Variants in HDAC3 observed in about 807,000 individuals in gnomAD.
HDAC3 encodes the protein SMAP45.
In HDAC3, 21 loss-of-function variants were observed where a neutral mutation model predicts 62.3. That is an observed-to-expected ratio of 0.34 (90% CI 0.24 to 0.49). HDAC3 has a LOEUF of 0.49. Ranked by LOEUF, HDAC3 falls within the 20% of genes least tolerant of loss-of-function variation. HDAC3 has a pLI of 0.99. For missense variants in HDAC3, 270 were observed against 556.9 expected, an observed-to-expected ratio of 0.48 and a Z score of 5.19; for synonymous variants, 198 against 206.5, an observed-to-expected ratio of 0.96 and a Z score of 0.35.
chr5:141,629,604 G>T lies in HDAC3; in HGVS notation c.476+80C>A. 7.1e-7 allele frequency: 1 copy of T among 1,404,916 alleles called. No homozygotes were observed. The highest frequency in any genetic ancestry group is 1.2e-5 in the South Asian group (1 of 85,752). The allele number at this position is 1,404,916 out of a possible 1,614,324, so 87.0% of individuals were successfully genotyped here. ...GAGAAGCTAATCAGGGAGGAGGGAG[G>T]TCAAGGTCAGGGTTGAGACTGAGAG... On this transcript the variant is annotated intron_variant, in intron 6 of 14. Coordinates refer to ENST00000305264, the MANE Select transcript of HDAC3 (RefSeq NM_003883.4). The surrounding 1 kb of genome is among the most constrained non-coding windows in gnomAD (Gnocchi z 5.3).
rs754886508 is a variant in HDAC3 at position 141,629,123 on chromosome 5, T to C, written c.610+50A>G. Reference sequence around the variant, plus strand: ...TAGAAGGCTGAGAAGGAGGCACTCATAGTAAAGAGCTGAAGGGTGCAAAGG... The same window carrying C: ...TAGAAGGCTGAGAAGGAGGCACTCACAGTAAAGAGCTGAAGGGTGCAAAGG... On this transcript the variant is annotated intron_variant, in intron 7 of 14. Transcript: ENST00000305264. The surrounding 1 kb of genome is among the most constrained non-coding windows in gnomAD (Gnocchi z 5.3). The C allele has an allele frequency of 5.0e-6, 8 of 1,598,628 alleles. No homozygotes were observed. In the African/African-American group the frequency reaches 6.7e-5, roughly 13 times the overall value.
At chr5:141,632,593 T>C (rs914685021) in intron 3 of HDAC3, among the ~76,000 whole-genome samples, 1 of 152,108 alleles carries the variant, frequency 6.6e-6, no homozygotes, top group African/African-American at 2.4e-5. Flanking sequence ...TGACCCTGTA[T>C]TCACAGAGCT....
At position 141,625,777 on chromosome 5, in the gene HDAC3, A is replaced by G. The variant is rs199538171; in HGVS notation, c.980-13T>C. On this transcript the variant is annotated splice_polypyrimidine_tract_variant and intron_variant, in intron 12 of 14. Transcript: ENST00000305264. This position sits in a 1 kb window ranked among gnomAD's most constrained non-coding sequence, Gnocchi z 4.0. Reference sequence around the variant, plus strand: ...TACTCGAAGTATTCTTGGGGAGGAGAGGAGAAAGTATGGCTCAGACTGAGA... The same window carrying G: ...TACTCGAAGTATTCTTGGGGAGGAGGGGAGAAAGTATGGCTCAGACTGAGA... 14 of 1,611,974 alleles carry G rather than the reference A, an allele frequency of 8.7e-6. No homozygotes were observed. Among genetic ancestry groups the G allele is most frequent in the South Asian group, 3.3e-5 (3 of 91,038 alleles).
intron 3 of HDAC3, among the ~76,000 whole-genome samples, chr5:141,630,571 G>A (rs1242814119): frequency 2.6e-5 from 4 of 152,140 alleles, no homozygotes; most frequent in African/African-American, 4.8e-5. Context: ...GATAACCCAC[G>A]AAAAGCCTGT....
chr5:141,623,717 G>A (rs1308340240), intron 14 of HDAC3, among the ~76,000 whole-genome samples: 1 of 152,058 alleles, frequency 6.6e-6, no homozygotes, highest in African/African-American at 2.4e-5. Context: ...GAGAGATTCG[G>A]AGGCCTGAAT....
At position 141,625,941 on chromosome 5, in the gene HDAC3, T is replaced by G; in HGVS notation, c.979+72A>C. On this transcript the variant is annotated intron_variant, in intron 12 of 14. Coordinates refer to ENST00000305264, the MANE Select transcript of HDAC3 (RefSeq NM_003883.4). The surrounding 1 kb of genome is among the most constrained non-coding windows in gnomAD (Gnocchi z 4.0). The stretch of plus-strand genomic sequence containing the variant: ...AGAGTGTAAAATTTCCCATGTGCCT[T>G]CAAACCAGGTCATTCTGGAATCTGG... 1.4e-6 allele frequency: 2 copies of G among 1,459,210 alleles called. No individual in the cohort carries two copies. Among genetic ancestry groups the G allele is most frequent in the Non-Finnish European group, 1.9e-6 (2 of 1,038,828 alleles). The allele number at this position is 1,459,210 out of a possible 1,614,324, so 90.4% of individuals were successfully genotyped here. A position where few individuals can be genotyped will look rare whatever the true frequency, so the allele number is the denominator to read the frequency against.
chr5:141,629,594 G>A lies in HDAC3; in HGVS notation c.476+90C>T. ...AAGAACTTGGGAGAAGCTAATCAGG[G>A]AGGAGGGAGGTCAAGGTCAGGGTTG... On this transcript the variant is annotated intron_variant, in intron 6 of 14. Coordinates refer to ENST00000305264, the MANE Select transcript of HDAC3 (RefSeq NM_003883.4). The surrounding 1 kb of genome is among the most constrained non-coding windows in gnomAD (Gnocchi z 5.3). The A allele has an allele frequency of 5.5e-6, 7 of 1,281,110 alleles. No individual in the cohort carries two copies. Among genetic ancestry groups the A allele is most frequent in the Non-Finnish European group, 6.7e-6 (6 of 894,128 alleles). The allele number at this position is 1,281,110 out of a possible 1,614,324, so 79.4% of individuals were successfully genotyped here. A position where few individuals can be genotyped will look rare whatever the true frequency, so the allele number is the denominator to read the frequency against.
rs1031728762 is a variant in HDAC3 at position 141,636,481 on chromosome 5, G to C, written c.138+67C>G. 6.9e-5 allele frequency: 99 copies of C among 1,437,224 alleles called. No homozygotes were observed. In the Middle Eastern group the frequency reaches 3.4e-3, roughly 49 times the overall value. 89.0% of individuals were successfully genotyped at this position (1,437,224 alleles called of 1,614,324 possible). On this transcript the variant is annotated intron_variant, in intron 2 of 14. Transcript: ENST00000305264. The stretch of plus-strand genomic sequence containing the variant: ...GGTCGCACTTCATGCACTCAGTCCA[G>C]CCCACCTATCCCTACGGCCACAGCT...
At chr5:141,635,856 T>A (rs990386677) in intron 2 of HDAC3, 1 of 152,228 alleles carries the variant, frequency 6.6e-6, no homozygotes, top group Non-Finnish European at 1.5e-5. Flanking sequence ...ATCCCCCCCA[T>A]TTCAACCTCC....
In HDAC3 at chr5:141,629,873, G is replaced by C; in HGVS notation, c.407C>G (p.Ala136Gly). The C allele has an allele frequency of 6.2e-7, 1 of 1,614,068 alleles. No homozygotes were observed. Among genetic ancestry groups the C allele is most frequent in the East Asian group, 2.2e-5 (1 of 44,884 alleles). The change falls in exon 5 of 15, where the codon GCC becomes GGC. Residue 136 changes from alanine (A) to glycine (G), a missense_variant. This residue lies in a region of HDAC3 where 156 missense variants were observed against 383.9 expected (regional missense o/e 0.41). Coordinates refer to ENST00000305264, the MANE Select transcript of HDAC3 (RefSeq NM_003883.4). This position sits in a 1 kb window ranked among gnomAD's most constrained non-coding sequence, Gnocchi z 5.3. ...CTCCTCACTCACCTCAAACTTCTTG[G>C]CATGGTGCAGACCACCAGCCCAGTT... ...AINWAGGLHH[A>G]KKFEASGFCY...
At chr5:141,621,576 A>G in intron 14 of HDAC3, 39 bp from the exon 15 acceptor site, 1 of 1,548,354 alleles carries the variant, frequency 6.5e-7, no homozygotes, top group Non-Finnish European at 8.9e-7. Flanking sequence ...TCTCACTCTA[A>G]GTTCTAATCT....
chr5:141,627,772 A>G, intron 10 of HDAC3, 121 bp downstream of exon 10: 2 of 828,108 alleles, frequency 2.4e-6, no homozygotes, highest in Middle Eastern at 2.3e-4. Flanking sequence ...TTCAAGTACA[A>G]TTTGTAGCTA....
chr5:141,621,948 G>A (rs1255405509), intron 14 of HDAC3, among the ~76,000 whole-genome samples: 2 of 152,188 alleles, frequency 1.3e-5, no homozygotes, highest in Non-Finnish European at 2.9e-5. Context: ...AAAGTCTGAG[G>A]AGGAGCTAAG....
chr5:141,635,764 T>C (rs1407846735), intron 2 of HDAC3: 1 of 152,234 alleles, frequency 6.6e-6, no homozygotes. Context: ...CCACCGCACA[T>C]GGCTACTTTT....
chr5:141,633,825 CAA>C (rs11291105), intron 3 of HDAC3, among the ~76,000 whole-genome samples: 973 of 74,056 alleles, frequency 0.013, 8 homozygotes, highest in African/African-American at 0.045. Flanking sequence ...GACTCTGTCT[CAA>C]AAAAAAAAAA....
chr5:141,626,059 T>C lies in HDAC3; in HGVS notation c.933A>G (p.Thr311=), dbSNP rs747590097. 1.2e-6 allele frequency: 2 copies of C among 1,614,024 alleles called. No individual in the cohort carries two copies. The highest frequency in any genetic ancestry group is 1.3e-5 in the African/African-American group (1 of 74,914). ...TAATGGCCTCTTCTACCAGCAGCGA[T>C]GTCTCATATGTCCTGAAACCAACCA... ...RNVARCWTYE[T]SLLVEEAISE... The change falls in exon 12 of 15, where the codon ACA becomes ACG. Residue 311 remains threonine, a synonymous_variant. Coordinates refer to ENST00000305264, the MANE Select transcript of HDAC3 (RefSeq NM_003883.4). The surrounding 1 kb of genome is among the most constrained non-coding windows in gnomAD (Gnocchi z 4.6).
Position 141,625,624 on chromosome 5 carries a change from G to A in HDAC3, c.1059+61C>T. On this transcript the variant is annotated intron_variant, in intron 13 of 14. Transcript: ENST00000305264. This position sits in a 1 kb window ranked among gnomAD's most constrained non-coding sequence, Gnocchi z 4.0. ...GGTTTTTCCTACTTCCCACATCTTT[G>A]ACCTCTCCTGGGCTCCACCTTTCAG... 6.7e-7 allele frequency: 1 copy of A among 1,502,864 alleles called. No homozygotes were observed. Among genetic ancestry groups the A allele is most frequent in the Non-Finnish European group, 9.3e-7 (1 of 1,078,886 alleles). 93.1% of individuals were successfully genotyped at this position (1,502,864 alleles called of 1,614,324 possible). A position where few individuals can be genotyped will look rare whatever the true frequency, so the allele number is the denominator to read the frequency against.
chr5:141,631,388 C>T (rs754665465), intron 3 of HDAC3, among the ~76,000 whole-genome samples: 12 of 152,218 alleles, frequency 7.9e-5, no homozygotes, highest in Middle Eastern at 3.4e-3. Flanking sequence ...CAATTGTCAG[C>T]TCCAGGAAAA....
chr5:141,624,372 C>CAAAAAAAAAAAA (rs58610895), intron 14 of HDAC3, among the ~76,000 whole-genome samples: 2 of 22,096 alleles, frequency 9.1e-5, no homozygotes, highest in Non-Finnish European at 1.6e-4. Flanking sequence ...CCGTCTCTAC[C>CAAAAAAAAAAAA]AAAAAAAAAA....
Sources: gnomAD v4.1 joint callset for allele counts (sites outside exome capture counted in the v4.1 genomes callset) on GRCh38, gnomAD v4.1.1 for gene constraint, gnomAD v4.1.1 regional missense constraint, Gnocchi (gnomAD v3.1) non-coding constraint, MANE v1.5 for transcripts, NCBI Gene and HGNC (gene_info 2026-07-23, HGNC 2026-07-21) for gene names.